LCLAT1: variants seen among roughly 807,000 people sequenced by gnomAD.
LCLAT1 encodes lysocardiolipin acyltransferase 1.
LCLAT1 carries 11 observed loss-of-function variants against 30.7 expected under a neutral mutation model. The ratio of observed to expected loss-of-function variants is 0.36; its 90% CI spans 0.23 to 0.59. LCLAT1 has a LOEUF of 0.59. LCLAT1 is among the 20% of genes least tolerant of loss of function. The pLI, the probability that LCLAT1 is intolerant of heterozygous loss-of-function variation, is 0.77. For missense variants in LCLAT1, 402 were observed against 458.6 expected (o/e 0.88, Z 1.13); for synonymous variants, 155 against 151.3 (o/e 1.02, Z -0.18).
intron 5 of LCLAT1, among the ~76,000 whole-genome samples, chr2:30,569,862 A>G (rs979793035): frequency 2.6e-5 from 4 of 152,294 alleles, no homozygotes; most frequent in African/African-American, 9.6e-5. Flanking sequence ...TTCATGTTGT[A>G]TGTGATTAGT....
chr2:30,620,252 C>A (rs1225196731), intron 5 of LCLAT1, among the ~76,000 whole-genome samples: 1 of 152,154 alleles, frequency 6.6e-6, no homozygotes, highest in Non-Finnish European at 1.5e-5. Context: ...TTTCCAGCCC[C>A]TGTATGTGAT....
At chr2:30,470,151 A>G (rs964449720) in intron 1 of LCLAT1, among the ~76,000 whole-genome samples, 1 of 152,146 alleles carries the variant, frequency 6.6e-6, no homozygotes, top group African/African-American at 2.4e-5. Flanking sequence ...TCATGGTATG[A>G]GTAACCCAGG....
chr2:30,620,344 G>C (rs1163246598), intron 5 of LCLAT1, among the ~76,000 whole-genome samples: 1 of 152,152 alleles, frequency 6.6e-6, no homozygotes, highest in East Asian at 1.9e-4. Flanking sequence ...TGGGAATGAA[G>C]CCCAGAACTC....
chr2:30,499,733 C>A (rs893001976), intron 1 of LCLAT1, among the ~76,000 whole-genome samples: 2 of 152,104 alleles, frequency 1.3e-5, no homozygotes, highest in African/African-American at 2.4e-5. Flanking sequence ...AAAAAAGTTC[C>A]ATCTGTATAT....
chr2:30,604,660 CA>C (rs71405526), intron 5 of LCLAT1, among the ~76,000 whole-genome samples: 21,559 of 95,446 alleles, frequency 0.23, 816 homozygotes, highest in Non-Finnish European at 0.26. Context: ...GACTCCGTCT[CA>C]AAAAAAAAAA....
At chr2:30,635,276 G>GAT (rs2148533511) in intron 5 of LCLAT1, among the ~76,000 whole-genome samples, 1 of 150,918 alleles carries the variant, frequency 6.6e-6, no homozygotes, top group African/African-American at 2.4e-5. Flanking sequence ...AAAGTATCAA[G>GAT]ATAGTCAACT....
intron 1 of LCLAT1, among the ~76,000 whole-genome samples, chr2:30,484,901 A>G (rs1206718238): frequency 2.0e-5 from 3 of 152,090 alleles, no homozygotes; most frequent in Admixed American, 2.0e-4. Context: ...ATCTTTTACT[A>G]TGGTATGATA....
At chr2:30,596,696 C>T (rs1666943054) in intron 5 of LCLAT1, among the ~76,000 whole-genome samples, 1 of 150,454 alleles carries the variant, frequency 6.6e-6, no homozygotes, top group Non-Finnish European at 1.5e-5. Context: ...CTTTTGTCAT[C>T]TTCATCATGA....
At chr2:30,634,721 G>T (rs537305763) in intron 5 of LCLAT1, among the ~76,000 whole-genome samples, 6 of 152,226 alleles carry the variant, frequency 3.9e-5, no homozygotes, top group Non-Finnish European at 8.8e-5. Flanking sequence ...CATGCCAAAA[G>T]ATTTAAAGGC....
intron 1 of LCLAT1, among the ~76,000 whole-genome samples, chr2:30,520,641 T>C (rs1227970507): frequency 6.6e-6 from 1 of 152,214 alleles, no homozygotes; most frequent in African/African-American, 2.4e-5. Flanking sequence ...CAGGTCGGCA[T>C]GTAAAATATA....
intron 3 of LCLAT1, among the ~76,000 whole-genome samples, chr2:30,542,256 C>A (rs1453284509): frequency 2.0e-5 from 3 of 152,096 alleles, no homozygotes; most frequent in Non-Finnish European, 4.4e-5. Context: ...ATTGTTCTTT[C>A]TTTGTCTGAC....
chr2:30,517,873 G>C (rs180762896), intron 1 of LCLAT1, among the ~76,000 whole-genome samples: 131 of 152,230 alleles, frequency 8.6e-4, no homozygotes, highest in African/African-American at 2.9e-3. Flanking sequence ...GATCCTCTCC[G>C]TGACCCTGTA....
intron 5 of LCLAT1, among the ~76,000 whole-genome samples, chr2:30,596,484 G>A (rs1396887264): frequency 6.6e-6 from 1 of 151,658 alleles, no homozygotes; most frequent in Non-Finnish European, 1.5e-5. Flanking sequence ...CTTTTTTAAT[G>A]GGGTTGTTTT....
intron 1 of LCLAT1, among the ~76,000 whole-genome samples, chr2:30,519,445 G>A (rs868547237): frequency 1.3e-5 from 2 of 152,272 alleles, no homozygotes; most frequent in African/African-American, 2.4e-5. Flanking sequence ...AGCAGTTAGA[G>A]TGGTCGTCAG....
chr2:30,633,249 T>A (rs1429338052), intron 5 of LCLAT1, among the ~76,000 whole-genome samples: 2 of 152,238 alleles, frequency 1.3e-5, no homozygotes, highest in African/African-American at 4.8e-5. Flanking sequence ...CAGCATTTCC[T>A]TTCAACTCAA....
At position 30,525,604 on chromosome 2, in the gene LCLAT1, A is replaced by G. The variant is rs1205755322; in HGVS notation, c.14A>G (p.Lys5Arg). 2 of 1,613,552 alleles carry G rather than the reference A, an allele frequency of 1.2e-6. No homozygotes were observed. The highest frequency in any genetic ancestry group is 1.7e-6 in the Non-Finnish European group (2 of 1,179,484). The change falls in exon 2 of 6, where the codon AAA becomes AGA. Residue 5 changes from lysine to arginine, a missense_variant. Lys to Arg is a conservative substitution (Grantham distance 26). Transcript: ENST00000379509. ...TCTTTCAGAATCATGGTGTCATGGA[A>G]AGGGATTTACTTTATACTGACTCTG... MVSW[K>R]GIYFILTLFW... is the part of the protein sequence containing the mutation.
At chr2:30,599,224 C>T (rs149996889) in intron 5 of LCLAT1, among the ~76,000 whole-genome samples, 103 of 152,230 alleles carry the variant, frequency 6.8e-4, no homozygotes, top group Middle Eastern at 3.4e-3. Flanking sequence ...TCAAGTGATC[C>T]GCCCACCTCA....
chr2:30,466,889 T>C (rs1407899158), intron 1 of LCLAT1, among the ~76,000 whole-genome samples: 1 of 152,244 alleles, frequency 6.6e-6, no homozygotes. Context: ...TTTGAATTAC[T>C]CTTAGTTTTA....
chr2:30,622,984 AG>A (rs1378350761), intron 5 of LCLAT1, among the ~76,000 whole-genome samples: 1 of 152,062 alleles, frequency 6.6e-6, no homozygotes, highest in African/African-American at 2.4e-5. Context: ...AAAAGAATTC[AG>A]AAGTTCGACT....
Sources: gnomAD v4.1 joint callset for allele counts (sites outside exome capture counted in the v4.1 genomes callset) on GRCh38, gnomAD v4.1.1 for gene constraint, MANE v1.5 for transcripts, NCBI Gene and HGNC (gene_info 2026-07-23, HGNC 2026-07-21) for gene names.